SUMF1: variants seen among roughly 807,000 people sequenced by gnomAD.
SUMF1 encodes sulfatase modifying factor 1, also known as formylglycine-generating enzyme.
A neutral mutation model predicts 47.6 loss-of-function variants in SUMF1; 48 were observed. The ratio of observed to expected loss-of-function variants is 1.01; its 90% CI spans 0.80 to 1.28. The LOEUF is 1.28. Among genes scored for constraint, SUMF1 ranks in the 50% most tolerant of loss-of-function variants. SUMF1 has a pLI of 0.00. For missense variants in SUMF1, 571 were observed against 485.4 expected, an observed-to-expected ratio of 1.18 and a Z score of -1.66; for synonymous variants, 230 against 192.1, an observed-to-expected ratio of 1.20 and a Z score of -1.63.
intron 3 of SUMF1, among the ~76,000 whole-genome samples, chr3:4,445,707 C>G (rs187459574): frequency 6.6e-6 from 1 of 152,242 alleles, no homozygotes; most frequent in African/African-American, 2.4e-5. Context: ...TTACACAAAT[C>G]TACATTTGTG....
At chr3:4,081,015 G>A (rs1692548252) in intron 8 of SUMF1, among the ~76,000 whole-genome samples, 1 of 152,142 alleles carries the variant, frequency 6.6e-6, no homozygotes, top group Non-Finnish European at 1.5e-5. Flanking sequence ...GGTAAGAATT[G>A]TTTAAAGGAC....
chr3:4,221,048 A>G (rs1485262), intron 8 of SUMF1, among the ~76,000 whole-genome samples: 6,928 of 152,196 alleles, frequency 0.046, 423 homozygotes, highest in East Asian at 0.17. Context: ...CAGTGCAACT[A>G]GGTAAGGGAG....
At chr3:4,223,252 A>C (rs1306257660) in intron 8 of SUMF1, among the ~76,000 whole-genome samples, 4 of 152,154 alleles carry the variant, frequency 2.6e-5, no homozygotes, top group Admixed American at 6.6e-5. Context: ...GGTTAAGAGA[A>C]AGAATAGACT....
intron 8 of SUMF1, among the ~76,000 whole-genome samples, chr3:4,199,946 T>C (rs530190432): frequency 4.6e-5 from 7 of 152,144 alleles, no homozygotes; most frequent in Non-Finnish European, 8.8e-5. Context: ...ATTTTCTTAA[T>C]GTCATCTTTT....
At chr3:4,324,220 TA>T (rs57815089) in intron 8 of SUMF1, among the ~76,000 whole-genome samples, 40 of 150,082 alleles carry the variant, frequency 2.7e-4, no homozygotes, top group East Asian at 2.1e-3. Context: ...TGAAATTAAT[TA>T]AAAAAAAAAT....
At chr3:4,291,661 G>T (rs1326422127) in intron 8 of SUMF1, among the ~76,000 whole-genome samples, 1 of 152,040 alleles carries the variant, frequency 6.6e-6, no homozygotes. Context: ...GCAGAAAATG[G>T]GTTCTTTATA....
intron 8 of SUMF1, among the ~76,000 whole-genome samples, chr3:4,151,365 A>G (rs1694319594): frequency 1.4e-5 from 2 of 147,022 alleles, no homozygotes; most frequent in South Asian, 2.1e-4. Flanking sequence ...CACAATATAT[A>G]TATATACATG....
intron 1 of SUMF1, among the ~76,000 whole-genome samples, chr3:4,460,092 A>C (rs551421680): frequency 2.0e-5 from 3 of 152,368 alleles, no homozygotes; most frequent in South Asian, 4.1e-4. Context: ...TCTCACCATG[A>C]TGAGCTACAA....
intron 9 of SUMF1, among the ~76,000 whole-genome samples, chr3:4,065,340 A>G (rs1359205305): frequency 2.6e-5 from 4 of 152,122 alleles, no homozygotes; most frequent in Non-Finnish European, 5.9e-5. Flanking sequence ...ATCTAAAACC[A>G]AAGGCCTAGA....
intron 3 of SUMF1, among the ~76,000 whole-genome samples, chr3:4,432,301 C>T (rs1307341879): frequency 6.6e-6 from 1 of 151,568 alleles, no homozygotes; most frequent in Admixed American, 6.6e-5. Flanking sequence ...AATATCAGAT[C>T]ACTTCTTAGC....
intron 8 of SUMF1, among the ~76,000 whole-genome samples, chr3:4,114,817 G>C (rs956653417): frequency 2.0e-5 from 3 of 152,100 alleles, no homozygotes; most frequent in African/African-American, 7.2e-5. Flanking sequence ...TCACAAATGA[G>C]AACATCAACT....
At chr3:4,162,097 T>C (rs1168099670) in intron 8 of SUMF1, among the ~76,000 whole-genome samples, 1 of 152,074 alleles carries the variant, frequency 6.6e-6, no homozygotes, top group Non-Finnish European at 1.5e-5. Flanking sequence ...TACCTAGCAA[T>C]ATCATTTGAG....
In SUMF1 at chr3:4,374,986, G is replaced by A. The variant is rs182116568; in HGVS notation, c.1014+1344C>T. ...AAGACCAGCCTAGGCAACATGGCAA[G>A]ACCCCATCTCTAAAAAAAATTTAAA... On this transcript the variant is annotated intron_variant, in intron 8 of 8. Transcript: ENST00000272902. Among the ~76,000 whole-genome samples the A allele has an allele frequency of 1.6e-3, 242 of 151,848 alleles. 1 individual carries two copies. Among genetic ancestry groups the A allele is most frequent in the Non-Finnish European group, 3.1e-3 (211 of 67,934 alleles).
chr3:4,177,268 A>T lies in SUMF1; in HGVS notation c.1015-108523T>A, dbSNP rs1694987362. Among the ~76,000 whole-genome samples, 2 of 152,196 alleles carry T rather than the reference A, an allele frequency of 1.3e-5. 1 individual carries two copies. Among genetic ancestry groups the T allele is most frequent in the Non-Finnish European group, 2.9e-5 (2 of 68,018 alleles). ...TCAGTACCACATCACAGTTATTCTAAAATTGACCACATAATTGGAAGTAAA... is the reference window on the plus strand; with the variant it reads ...TCAGTACCACATCACAGTTATTCTATAATTGACCACATAATTGGAAGTAAA... On this transcript the variant is annotated intron_variant and NMD_transcript_variant, in intron 8 of 12. Coordinates refer to the SUMF1 transcript ENST00000448413.
intron 3 of SUMF1, among the ~76,000 whole-genome samples, chr3:4,429,093 A>G (rs1044274299): frequency 6.6e-6 from 1 of 152,254 alleles, no homozygotes; most frequent in Non-Finnish European, 1.5e-5. Flanking sequence ...AGATAACACT[A>G]CAGTGAACAT....
chr3:4,194,350 C>G (rs1695383715), intron 8 of SUMF1, among the ~76,000 whole-genome samples: 3 of 152,206 alleles, frequency 2.0e-5, no homozygotes, highest in African/African-American at 7.2e-5. Context: ...ACTGGGCAGG[C>G]AGGAGTTCAA....
chr3:4,090,651 ATTGT>A, intron 8 of SUMF1, among the ~76,000 whole-genome samples: 1 of 152,174 alleles, frequency 6.6e-6, no homozygotes, highest in East Asian at 1.9e-4. Context: ...CATATTTGTT[ATTGT>A]TTGTTTTTGA....
chr3:4,377,812 T>C (rs1700376926), intron 7 of SUMF1, among the ~76,000 whole-genome samples: 1 of 152,152 alleles, frequency 6.6e-6, no homozygotes, highest in Non-Finnish European at 1.5e-5. Flanking sequence ...ATTTATCTCC[T>C]TTTTTTGTTC....
chr3:4,167,640 TC>T (rs1694739074), intron 8 of SUMF1, among the ~76,000 whole-genome samples: 1 of 152,134 alleles, frequency 6.6e-6, no homozygotes, highest in Non-Finnish European at 1.5e-5. Flanking sequence ...AGAAAAGTTC[TC>T]CAAGTCCCCA....
Sources: allele counts gnomAD v4.1 joint callset (sites outside exome capture counted in the v4.1 genomes callset), GRCh38; gene constraint gnomAD v4.1.1; transcripts MANE v1.5; gene names NCBI Gene and HGNC (gene_info 2026-07-23, HGNC 2026-07-21).